The following CA13 variants were observed in gnomAD, a reference collection of about 807,000 sequenced individuals.
The protein encoded by CA13 is carbonic anhydrase 13.
CA13 carries 21 observed loss-of-function variants against 31.5 expected under a neutral mutation model. The observed-to-expected ratio is 0.67, with a 90% CI of 0.47 to 0.96. The LOEUF is 0.96. CA13 is among the 40% of genes least tolerant of loss of function. The pLI is 0.00. For missense variants in CA13, 315 were observed against 318.9 expected (o/e 0.99, Z 0.09); for synonymous variants, 117 against 111.4 (o/e 1.05, Z -0.32).
In CA13 at chr8:85,282,457, A is replaced by T. The variant is rs1334118057; in HGVS notation, c.*1108A>T. 2 of 152,602 alleles carry T rather than the reference A, an allele frequency of 1.3e-5. No homozygotes were observed. The highest frequency in any genetic ancestry group is 6.5e-5 in the Admixed American group (1 of 15,294). 9.5% of individuals were successfully genotyped at this position (152,602 alleles called of 1,614,324 possible). ...TATGACATAGTACCAGTGCAGTCAG[A>T]GCTGCCCTTAGGCATGATGAACATG... On this transcript the variant is annotated 3_prime_UTR_variant, in exon 7 of 7. Transcript: ENST00000321764.
intron 3 of CA13, 92 bp downstream of exon 3, chr8:85,259,631 C>T: frequency 2.1e-6 from 2 of 971,724 alleles, no homozygotes; most frequent in South Asian, 2.8e-5. Context: ...CAAATAGATC[C>T]TGAGCCAATT....
intron 2 of CA13, among the ~76,000 whole-genome samples, chr8:85,256,834 G>T (rs1807303550): frequency 6.6e-6 from 1 of 152,180 alleles, no homozygotes; most frequent in South Asian, 2.1e-4. Context: ...TGAGAGAGTA[G>T]CTTGGTGTGT....
At chr8:85,277,431 G>A (rs1171952605) in intron 6 of CA13, among the ~76,000 whole-genome samples, 1 of 152,042 alleles carries the variant, frequency 6.6e-6, no homozygotes, top group Non-Finnish European at 1.5e-5. Flanking sequence ...GAAACTCTGA[G>A]CACATCCTAG....
chr8:85,264,472 T>A (rs907576056), intron 3 of CA13, among the ~76,000 whole-genome samples: 4 of 152,308 alleles, frequency 2.6e-5, no homozygotes, highest in African/African-American at 9.6e-5. Flanking sequence ...ATATAAATGC[T>A]AATAGAAGTG....
At chr8:85,263,562 T>C (rs1252821806) in intron 3 of CA13, among the ~76,000 whole-genome samples, 2 of 152,104 alleles carry the variant, frequency 1.3e-5, no homozygotes, top group African/African-American at 4.8e-5. Flanking sequence ...TAGGGTTTGC[T>C]GATGAAAAGG....
At position 85,250,819 on chromosome 8, in the gene CA13, G is replaced by A; in HGVS notation, c.117G>A (p.Val39=). 1 of 1,613,946 alleles carries A rather than the reference G, an allele frequency of 6.2e-7. No individual in the cohort carries two copies. Among genetic ancestry groups the A allele is most frequent in the Non-Finnish European group, 8.5e-7 (1 of 1,179,914 alleles). The change falls in exon 2 of 7, where the codon GTG becomes GTA. Residue 39 remains valine (V), a synonymous_variant. Transcript: ENST00000321764. ...CAATTGAGATTAAAACCAAAGAAGT[G>A]AAATATGACTCTTCCCTCCGACCAC... is the stretch of plus-strand genomic sequence containing the variant. The part of the protein sequence containing the change: ...QSPIEIKTKE[V]KYDSSLRPLS...
intron 1 of CA13, chr8:85,246,621 C>T (rs1043413595): frequency 2.4e-6 from 1 of 417,346 alleles, no homozygotes; most frequent in African/African-American, 2.0e-5. Flanking sequence ...CACTTTTCTT[C>T]TTGTATATCA....
chr8:85,245,639 C>T lies in CA13; in HGVS notation c.-190C>T. ...CAGGAGTCAGCCAGCGGCGCGGGCGCCTTCCCCGCACGCCTCTGCCGTCTG... is the reference window on the plus strand; with the variant it reads ...CAGGAGTCAGCCAGCGGCGCGGGCGTCTTCCCCGCACGCCTCTGCCGTCTG... On this transcript the variant is annotated 5_prime_UTR_variant, in exon 1 of 7. Coordinates refer to ENST00000321764, the MANE Select transcript of CA13 (RefSeq NM_198584.3). The T allele has an allele frequency of 1.6e-6, 1 of 622,992 alleles. No individual in the cohort carries two copies. The highest frequency in any genetic ancestry group is 2.8e-6 in the Non-Finnish European group (1 of 355,984). The allele number at this position is 622,992 out of a possible 1,614,324, so 38.6% of individuals were successfully genotyped here.
intron 2 of CA13, among the ~76,000 whole-genome samples, chr8:85,257,219 A>G (rs761435133): frequency 2.6e-5 from 4 of 152,130 alleles, no homozygotes; most frequent in African/African-American, 7.2e-5. Context: ...TATCTTGGTA[A>G]TATTAATTGA....
chr8:85,252,180 T>G (rs1169180914), intron 2 of CA13, among the ~76,000 whole-genome samples: 1 of 152,092 alleles, frequency 6.6e-6, no homozygotes, highest in African/African-American at 2.4e-5. Context: ...TTGCTTGACT[T>G]CAGGAGGTCA....
intron 3 of CA13, among the ~76,000 whole-genome samples, chr8:85,262,137 C>CCCAGGAGTTTCAG (rs374800644): frequency 6.6e-6 from 1 of 152,252 alleles, no homozygotes; most frequent in Non-Finnish European, 1.5e-5. Context: ...GTAATCCCAG[C>CCCAGGAGTTTCAG]ACTTTGGGAG....
intron 6 of CA13, among the ~76,000 whole-genome samples, chr8:85,269,550 T>A (rs1807499977): frequency 6.6e-6 from 1 of 152,078 alleles, no homozygotes; most frequent in Admixed American, 6.6e-5. Flanking sequence ...GAGGAGGAAT[T>A]GTTGATCTTT....
chr8:85,271,294 C>T (rs1807522390), intron 6 of CA13, among the ~76,000 whole-genome samples: 1 of 152,178 alleles, frequency 6.6e-6, no homozygotes, highest in African/African-American at 2.4e-5. Flanking sequence ...CAACAAATGC[C>T]TATGGAGATA....
intron 4 of CA13, chr8:85,267,239 A>G (rs1807471240): frequency 3.0e-6 from 3 of 988,326 alleles, no homozygotes; most frequent in Non-Finnish European, 3.6e-6. Context: ...GTCACACCCC[A>G]TACTCTCCAT....
At chr8:85,277,559 A>G (rs998942413) in intron 6 of CA13, among the ~76,000 whole-genome samples, 5 of 152,136 alleles carry the variant, frequency 3.3e-5, no homozygotes, top group Admixed American at 2.0e-4. Flanking sequence ...TCCGGACACA[A>G]TAACACTCAA....
chr8:85,260,620 A>G (rs894797527), intron 3 of CA13, among the ~76,000 whole-genome samples: 1 of 152,222 alleles, frequency 6.6e-6, no homozygotes, highest in Non-Finnish European at 1.5e-5. Flanking sequence ...GCTTTAGAGT[A>G]TGGAACCTGC....
At chr8:85,251,033 C>T (rs1286087722) in intron 2 of CA13, 96 bp downstream of exon 2, 18 of 1,034,962 alleles carry the variant, frequency 1.7e-5, no homozygotes, top group South Asian at 3.1e-5. Context: ...GACAGAGTCT[C>T]GCTCTGTCGC....
chr8:85,260,535 T>G (rs1263025119), intron 3 of CA13, among the ~76,000 whole-genome samples: 1 of 152,238 alleles, frequency 6.6e-6, no homozygotes, highest in Non-Finnish European at 1.5e-5. Flanking sequence ...TCCATTGACA[T>G]GTACCTCTGC....
chr8:85,267,074 T>C (rs1485260680), intron 4 of CA13: 2 of 183,214 alleles, frequency 1.1e-5, no homozygotes, highest in Non-Finnish European at 2.2e-5. Flanking sequence ...AATGACATAT[T>C]GTCCCAATGT....
Sources: gnomAD v4.1 joint callset for allele counts (sites outside exome capture counted in the v4.1 genomes callset) on GRCh38, gnomAD v4.1.1 for gene constraint, MANE v1.5 for transcripts, NCBI Gene and HGNC (gene_info 2026-07-23, HGNC 2026-07-21) for gene names.